SLC24A1: variants seen among roughly 807,000 people sequenced by gnomAD.
SLC24A1 encodes sodium/potassium/calcium exchanger 1.
SLC24A1 carries 52 observed loss-of-function variants against 88.1 expected under a neutral mutation model. The observed-to-expected ratio is 0.59, with a 90% confidence interval of 0.47 to 0.74. SLC24A1 has a LOEUF of 0.74. Among genes scored for constraint, SLC24A1 ranks in the 30% least tolerant of loss-of-function variants. The pLI is 0.00. For missense variants in SLC24A1, 1,173 were observed against 1,363.3 expected, an observed-to-expected ratio of 0.86 and a Z score of 2.20; for synonymous variants, 455 against 498.0, an observed-to-expected ratio of 0.91 and a Z score of 1.15.
At chr15:65,618,163 T>C (rs758760221), upstream of SLC24A1, among the ~76,000 whole-genome samples, 15 of 152,246 alleles carry the variant, frequency 9.9e-5, no homozygotes, top group Non-Finnish European at 1.9e-4. Context: ...CTATATCTAT[T>C]GGTGACAGAA....
intron 4 of SLC24A1, among the ~76,000 whole-genome samples, chr15:65,640,516 C>T (rs2075089151): frequency 6.6e-6 from 1 of 152,164 alleles, no homozygotes; most frequent in Non-Finnish European, 1.5e-5. Context: ...GGCTCTGGTG[C>T]AGAACCGGAA....
chr15:65,614,871 A>G lies in SLC24A1; in HGVS notation c.-228+2258A>G, dbSNP rs2074084819. The stretch of plus-strand genomic sequence containing the variant: ...GAGGAAAGCAGAGAAAACTTGGTAG[A>G]TACTACATTTCTCTAAGAAAGTAGA... On this transcript the variant is annotated intron_variant, in intron 2 of 11. Coordinates refer to the SLC24A1 transcript ENST00000537259. Among the ~76,000 whole-genome samples the G allele has an allele frequency of 2.0e-5, 3 of 152,230 alleles. No individual in the cohort carries two copies. In the South Asian group the frequency reaches 6.2e-4, roughly 31 times the overall value.
Position 65,652,640 on chromosome 15 carries a change from A to G in SLC24A1, c.2884-2A>G. Reference sequence around the variant, plus strand: ...CTACTGTTGACCGTTGCCGTTTACCAGGTTGGTGAAACAATAGGGATTTCT... The same window carrying G: ...CTACTGTTGACCGTTGCCGTTTACCGGGTTGGTGAAACAATAGGGATTTCT... On this transcript the variant is annotated splice_acceptor_variant, in intron 8 of 9. Transcript: ENST00000261892. LOFTEE classifies it high-confidence loss of function. 1 of 1,613,664 alleles carries G rather than the reference A, an allele frequency of 6.2e-7. No individual in the cohort carries two copies. Among genetic ancestry groups the G allele is most frequent in the Admixed American group, 1.7e-5 (1 of 60,004 alleles).
rs754427272 is a variant in SLC24A1, at chr15:65,650,798, GGAGGAGGAGGAA to G, written c.2659_2670del (p.Glu887_Glu890del). The stretch of plus-strand genomic sequence containing the variant: ...AGGAAGAGCAGGAGGAAGAGGAGGA[GGAGGAGGAGGAA>G]GAGGAGGAGAAGGGAAATGAAGAGC... On this transcript the variant is annotated inframe_deletion, in exon 7 of 10. Coordinates refer to ENST00000261892, the MANE Select transcript of SLC24A1 (RefSeq NM_004727.3). The surrounding 1 kb of genome is among the most constrained non-coding windows in gnomAD (Gnocchi z 4.1). 14 of 1,613,436 alleles carry G rather than the reference GGAGGAGGAGGAA, an allele frequency of 8.7e-6. No homozygotes were observed. The South Asian group carries it at 1.5e-4, about 18-fold the overall frequency.
intron 6 of SLC24A1, among the ~76,000 whole-genome samples, chr15:65,649,618 T>C (rs144207343): frequency 2.0e-4 from 30 of 152,300 alleles, no homozygotes; most frequent in African/African-American, 7.2e-4. Flanking sequence ...CATAGTTTTA[T>C]CCATATCATG....
intron 2 of SLC24A1, among the ~76,000 whole-genome samples, chr15:65,631,863 C>T (rs528109728): frequency 2.6e-4 from 39 of 152,218 alleles, no homozygotes; most frequent in Middle Eastern, 3.4e-3. Flanking sequence ...GACAGAGTCT[C>T]GCTCTGTTGC....
In SLC24A1 at chr15:65,654,312, G is replaced by A; in HGVS notation, c.*233G>A. 1 of 1,336,648 alleles carries A rather than the reference G, an allele frequency of 7.5e-7. No homozygotes were observed. The highest frequency in any genetic ancestry group is 1.9e-5 in the South Asian group (1 of 52,134). 82.8% of individuals were successfully genotyped at this position (1,336,648 alleles called of 1,614,324 possible). On this transcript the variant is annotated 3_prime_UTR_variant, in exon 10 of 10. Transcript: ENST00000261892. ...GGTGGAGTTTCTACCCCTGACTCAT[G>A]CAGACATCTATTACATGGAGGCAGT...
chr15:65,623,962 G>T lies in SLC24A1; in HGVS notation c.-119G>T. 1 of 853,330 alleles carries T rather than the reference G, an allele frequency of 1.2e-6. No homozygotes were observed. Among genetic ancestry groups the T allele is most frequent in the Non-Finnish European group, 1.9e-6 (1 of 538,038 alleles). 52.9% of individuals were successfully genotyped at this position (853,330 alleles called of 1,614,324 possible). ...TTTTTTTTACCCACCTAGGGTTGTG[G>T]ATACCCCCTGGCTGGGCTTCATGGA... On this transcript the variant is annotated 5_prime_UTR_variant, in exon 2 of 10. Transcript: ENST00000261892.
At position 65,653,902 on chromosome 15, in the gene SLC24A1, G is replaced by C; in HGVS notation, c.3123G>C (p.Leu1041Phe). 6.2e-7 allele frequency: 1 copy of C among 1,613,954 alleles called. No individual in the cohort carries two copies. The highest frequency in any genetic ancestry group is 1.1e-5 in the South Asian group (1 of 91,090). The change falls in exon 10 of 10, where the codon TTG (leucine) becomes TTC (phenylalanine). Residue 1041 changes from leucine (L) to phenylalanine (F), a missense_variant. Transcript: ENST00000261892. ...LQPVPVSSNG[L>F]FCAIVLLFLM... ...CAGTTCCAGTCAGCAGCAATGGCTTGTTTTGTGCAATTGTTTTGCTTTTTC... is the reference window on the plus strand; with the variant it reads ...CAGTTCCAGTCAGCAGCAATGGCTTCTTTTGTGCAATTGTTTTGCTTTTTC...
chr15:65,660,378 C>T, downstream of SLC24A1: 1 of 1,292,918 alleles, frequency 7.7e-7, no homozygotes, highest in Non-Finnish European at 1.1e-6. Flanking sequence ...AGTCTCAGGA[C>T]TCCAAGATAC....
chr15:65,617,427 T>C (rs1004930118), upstream of SLC24A1, among the ~76,000 whole-genome samples: 9 of 152,260 alleles, frequency 5.9e-5, no homozygotes, highest in African/African-American at 1.9e-4. Context: ...GTAGTTCTCC[T>C]TGAGGAGGTC....
rs781400097 is a variant in SLC24A1, at chr15:65,653,856, C to T, written c.3077C>T (p.Ser1026Phe). Residue 1026 changes from serine (S) to phenylalanine (F), a missense_variant, in exon 10 of 10, where the codon TCT becomes TTT. By Grantham distance (155) the Ser-to-Phe change is radical. Coordinates refer to ENST00000261892, the MANE Select transcript of SLC24A1 (RefSeq NM_004727.3). ...VGLPVPWLLF[S>F]LINGLQPVPV... is the part of the protein sequence containing the mutation. ...TTGCCTGTTCCTTGGTTGCTTTTCTCTCTTATCAATGGATTACAGCCAGTT... is the reference window on the plus strand; with the variant it reads ...TTGCCTGTTCCTTGGTTGCTTTTCTTTCTTATCAATGGATTACAGCCAGTT... The T allele has an allele frequency of 1.9e-6, 3 of 1,613,808 alleles. No individual in the cohort carries two copies. Among genetic ancestry groups the T allele is most frequent in the Admixed American group, 1.7e-5 (1 of 60,008 alleles).
downstream of SLC24A1, among the ~76,000 whole-genome samples, chr15:65,656,633 A>G (rs921950117): frequency 2.0e-5 from 3 of 152,236 alleles, no homozygotes; most frequent in Non-Finnish European, 2.9e-5. Flanking sequence ...GACAAATTCT[A>G]GGTCATTCAT....
chr15:65,652,038 T>G, intron 8 of SLC24A1: 1 of 423,770 alleles, frequency 2.4e-6, no homozygotes, highest in South Asian at 2.0e-5. Flanking sequence ...CTGCTTTCTC[T>G]GCCATGTACC....
chr15:65,654,207 T>C lies in SLC24A1; in HGVS notation c.*128T>C. The C allele has an allele frequency of 1.4e-6, 2 of 1,465,592 alleles. No individual in the cohort carries two copies. The highest frequency in any genetic ancestry group is 1.5e-5 in the South Asian group (1 of 67,256). The allele number at this position is 1,465,592 out of a possible 1,614,324, so 90.8% of individuals were successfully genotyped here. A position where few individuals can be genotyped will look rare whatever the true frequency, so the allele number is the denominator to read the frequency against. ...GAACTGGGTGACCTAGGACCTCTGA[T>C]ATGAATGTGATCTGAGACTAAAGTT... On this transcript the variant is annotated 3_prime_UTR_variant, in exon 10 of 10. Coordinates refer to ENST00000261892, the MANE Select transcript of SLC24A1 (RefSeq NM_004727.3).
At chr15:65,627,233 T>C (rs2074550479) in intron 2 of SLC24A1, among the ~76,000 whole-genome samples, 1 of 152,208 alleles carries the variant, frequency 6.6e-6, no homozygotes, top group Non-Finnish European at 1.5e-5. Flanking sequence ...TGTGTGACCA[T>C]AGACAGGTCC....
intron 6 of SLC24A1, among the ~76,000 whole-genome samples, chr15:65,646,943 G>A (rs576505262): frequency 6.6e-6 from 1 of 152,328 alleles, no homozygotes; most frequent in South Asian, 2.1e-4. Flanking sequence ...CCCAGGGCAG[G>A]AAGTGAAGCT....
At chr15:65,622,741 T>C (rs1392552955) in intron 1 of SLC24A1, among the ~76,000 whole-genome samples, 1 of 144,020 alleles carries the variant, frequency 6.9e-6, no homozygotes, top group Non-Finnish European at 1.5e-5. Flanking sequence ...TTCAGTGCTT[T>C]TCTTTTTTTT....
rs976180825 is a variant in SLC24A1 at position 65,656,257 on chromosome 15, C to A, written c.*2178C>A. 8 of 984,952 alleles carry A rather than the reference C, an allele frequency of 8.1e-6. No individual in the cohort carries two copies. The highest frequency in any genetic ancestry group is 1.7e-5 in the African/African-American group (1 of 57,236). 61.0% of individuals were successfully genotyped at this position (984,952 alleles called of 1,614,324 possible). A position where few individuals can be genotyped will look rare whatever the true frequency, so the allele number is the denominator to read the frequency against. On this transcript the variant is annotated 3_prime_UTR_variant, in exon 10 of 10. Coordinates refer to ENST00000261892, the MANE Select transcript of SLC24A1 (RefSeq NM_004727.3). ...AATGATTAAAACCAACTCTAATAAT[C>A]TGACATCCTTTTCCCAGTTTGCTGA... is the stretch of plus-strand genomic sequence containing the variant.
Sources: gnomAD v4.1 joint callset for allele counts (sites outside exome capture counted in the v4.1 genomes callset) on GRCh38, gnomAD v4.1.1 for gene constraint, Gnocchi (gnomAD v3.1) non-coding constraint, MANE v1.5 for transcripts, NCBI Gene and HGNC (gene_info 2026-07-23, HGNC 2026-07-21) for gene names.